Variants in CFAP65 observed in about 807,000 individuals in gnomAD.
CFAP65 encodes cilia and flagella associated protein 65.
A neutral mutation model predicts 208.0 loss-of-function variants in CFAP65; 155 were observed. The observed-to-expected ratio is 0.75, with a 90% CI of 0.65 to 0.85. CFAP65 has a LOEUF of 0.85. Ranked by LOEUF, CFAP65 falls within the 40% of genes least tolerant of loss-of-function variation. The pLI is 0.00. For missense variants in CFAP65, 2,294 were observed against 2,451.3 expected, an observed-to-expected ratio of 0.94 and a Z score of 1.36; for synonymous variants, 970 against 986.3, an observed-to-expected ratio of 0.98 and a Z score of 0.31.
chr2:219,003,446 G>A lies in CFAP65; in HGVS notation c.5556-174C>T, dbSNP rs1184910284. 6.6e-6 allele frequency among the ~76,000 whole-genome samples: 1 copy of A among 152,228 alleles called. No individual in the cohort carries two copies. The highest frequency in any genetic ancestry group is 1.5e-5 in the Non-Finnish European group (1 of 68,038). ...CAATGTTACGGACGTTCCAAGTGTG[G>A]CTAAAAGATTCCAAGTTGCCAAATA... On this transcript the variant is annotated intron_variant, in intron 33 of 34. Transcript: ENST00000341552. This position sits in a 1 kb window ranked among gnomAD's most constrained non-coding sequence, Gnocchi z 4.4.
Position 219,006,457 on chromosome 2 carries a change from C to T in CFAP65, c.4719+8G>A, listed in dbSNP as rs768748993. On this transcript the variant is annotated splice_region_variant and intron_variant, in intron 30 of 34. Transcript: ENST00000341552. The stretch of plus-strand genomic sequence containing the variant: ...CCAAGAAGATGGGCCTGGGGCTCGC[C>T]GCCTCACCTTGTACTTCCTCGCAGG... 6.8e-6 allele frequency: 11 copies of T among 1,613,520 alleles called. No individual in the cohort carries two copies. The highest frequency in any genetic ancestry group is 9.3e-6 in the Non-Finnish European group (11 of 1,179,978).
intron 14 of CFAP65, among the ~76,000 whole-genome samples, chr2:219,024,471 G>GGGAGATT (rs1559143479): frequency 8.1e-6 from 1 of 124,016 alleles, no homozygotes; most frequent in African/African-American, 3.6e-5. Context: ...CCTCCAGAAA[G>GGGAGATT]GGGCGGGGGG....
chr2:219,020,544 C>G (rs191234468), intron 19 of CFAP65, among the ~76,000 whole-genome samples: 9 of 151,552 alleles, frequency 5.9e-5, no homozygotes, highest in Admixed American at 4.6e-4. Context: ...CCACACCCAG[C>G]TAATACTTTT....
rs1455925557 is a variant in CFAP65, at chr2:219,025,617, G to C, written c.2349+405C>G. ...TGGGGCTGGCTCTGCCTCTCATAGG[G>C]CAGGGTGCTTCCCAAAGGCAGGGGC... On this transcript the variant is annotated intron_variant, in intron 14 of 34. Transcript: ENST00000341552. 4.6e-5 allele frequency among the ~76,000 whole-genome samples: 7 copies of C among 152,142 alleles called. No homozygotes were observed. In the South Asian group the frequency reaches 1.0e-3, roughly 23 times the overall value.
chr2:219,029,319 G>T, intron 11 of CFAP65, 84 bp downstream of exon 11: 2 of 1,512,356 alleles, frequency 1.3e-6, no homozygotes, highest in South Asian at 1.3e-5. Context: ...AGAATACAGG[G>T]AAGTGCCCAC....
intron 10 of CFAP65, 140 bp from the exon 11 acceptor site, chr2:219,029,808 C>T (rs1167408586): frequency 8.4e-7 from 1 of 1,195,720 alleles, no homozygotes; most frequent in East Asian, 2.5e-5. Context: ...CACTGGATGC[C>T]AGTGGGACTG....
rs768163425 is a variant in CFAP65 at position 219,010,952 on chromosome 2, C to T, written c.4002G>A (p.Glu1334=). ...YNGGSVPVTY[E]VQTDVLSQVQ... is the part of the protein sequence containing the mutation. The stretch of plus-strand genomic sequence containing the variant: ...CCTGTGACAGGACATCGGTCTGGAC[C>T]TCATATGTCACGGGCACTGAGCCAC... The change falls in exon 25 of 35, where the codon GAG becomes GAA. Residue 1334 remains glutamate, a synonymous_variant. Coordinates refer to ENST00000341552, the MANE Select transcript of CFAP65 (RefSeq NM_194302.4). 3.1e-6 allele frequency: 5 copies of T among 1,613,574 alleles called. No individual in the cohort carries two copies.
Position 219,038,460 on chromosome 2 carries a change from G to T in CFAP65, c.272C>A (p.Ser91Tyr), listed in dbSNP as rs1421110668. The T allele has an allele frequency of 1.2e-6, 2 of 1,614,104 alleles. No homozygotes were observed. Among genetic ancestry groups the T allele is most frequent in the Non-Finnish European group, 1.7e-6 (2 of 1,180,036 alleles). The change falls in exon 4 of 35, where the codon TCC becomes TAC. Residue 91 changes from serine (S) to tyrosine (Y), a missense_variant. By Grantham distance (144) the Ser-to-Tyr change is moderately radical (BLOSUM62 -2). Around this residue, in one of 2 missense-constraint regions of CFAP65, gnomAD observed 867 missense variants for 1,012.6 expected, o/e 0.86. Transcript: ENST00000341552. Reference sequence around the variant, plus strand: ...GGCCACTGTGCTGGCACTCAGGCAGGATCCACCAGAGTTCACGGTGTGGTT... The same window carrying T: ...GGCCACTGTGCTGGCACTCAGGCAGTATCCACCAGAGTTCACGGTGTGGTT... Reference protein sequence around the residue: ...SRNHTVNSGGSCLSASTVAIP... With the variant: ...SRNHTVNSGGYCLSASTVAIP...
chr2:219,009,278 C>A (rs1946259355), intron 28 of CFAP65, 69 bp downstream of exon 28: 1 of 1,445,930 alleles, frequency 6.9e-7, no homozygotes, highest in Non-Finnish European at 9.7e-7. Context: ...ATCTCACAGC[C>A]CATCACACCC....
intron 31 of CFAP65, 43 bp from the exon 32 acceptor site, chr2:219,005,605 A>G (rs375834749): frequency 1.9e-6 from 3 of 1,605,780 alleles, no homozygotes; most frequent in Non-Finnish European, 2.6e-6. Context: ...GCAAGCCACC[A>G]TGCTGGGGTT....
intron 28 of CFAP65, 38 bp downstream of exon 28, chr2:219,009,309 T>G (rs757283110): frequency 9.8e-6 from 15 of 1,528,038 alleles, no homozygotes; most frequent in African/African-American, 1.4e-5. Flanking sequence ...TTGGGAGCCA[T>G]GCCTCCATCC....
Position 219,030,756 on chromosome 2 carries a change from A to C in CFAP65, c.1094T>G (p.Leu365Trp). ...GCCCACAGCAACAGAGCCAAAGTAC[A>C]ACAGCTTCTGGAAGCCCTCGGCATC... is the stretch of plus-strand genomic sequence containing the variant. ...DQDAEGFQKLLYFGSVAVGCT... is the reference protein window; with the variant it reads ...DQDAEGFQKLWYFGSVAVGCT... Residue 365 changes from leucine (L) to tryptophan (W), a missense_variant, in exon 9 of 35, where the codon TTG becomes TGG. By Grantham distance (61) the Leu-to-Trp change is moderately conservative. Around this residue, in one of 2 missense-constraint regions of CFAP65, gnomAD observed 867 missense variants for 1,012.6 expected, o/e 0.86. Coordinates refer to ENST00000341552, the MANE Select transcript of CFAP65 (RefSeq NM_194302.4). 1 of 1,614,154 alleles carries C rather than the reference A, an allele frequency of 6.2e-7. No homozygotes were observed. Among genetic ancestry groups the C allele is most frequent in the East Asian group, 2.2e-5 (1 of 44,858 alleles).
rs1403530697 is a variant in CFAP65, at chr2:219,006,500, A to G, written c.4684T>C (p.Cys1562Arg). The G allele has an allele frequency of 1.9e-6, 3 of 1,613,518 alleles. No individual in the cohort carries two copies. Among genetic ancestry groups the G allele is most frequent in the African/African-American group, 1.3e-5 (1 of 74,932 alleles). Reference sequence around the variant, plus strand: ...CTCGCAGGTTCACAGGCTGTGCAGCATGTTCTCTTCTGTGGAAAAAGAGAG... The same window carrying G: ...CTCGCAGGTTCACAGGCTGTGCAGCGTGTTCTCTTCTGTGGAAAAAGAGAG... ...ITDMKVKKRT[C>R]CTACEPARKY... The change falls in exon 30 of 35, where the codon TGC becomes CGC. Residue 1562 changes from cysteine to arginine, a missense_variant. Cys to Arg is a radical substitution (Grantham distance 180). Around this residue, in one of 2 missense-constraint regions of CFAP65, gnomAD observed 1,427 missense variants for 1,438.7 expected, o/e 0.99. Coordinates refer to ENST00000341552, the MANE Select transcript of CFAP65 (RefSeq NM_194302.4).
At chr2:219,034,998 A>C in intron 5 of CFAP65, 1 of 246,406 alleles carries the variant, frequency 4.1e-6, no homozygotes, top group Non-Finnish European at 7.8e-6. Context: ...AGCCTCCGCA[A>C]TTCTACTCCT....
In CFAP65 at chr2:219,004,420, A is replaced by G; in HGVS notation, c.5087T>C (p.Val1696Ala). 2 of 1,613,258 alleles carry G rather than the reference A, an allele frequency of 1.2e-6. No homozygotes were observed. Among genetic ancestry groups the G allele is most frequent in the Non-Finnish European group, 1.7e-6 (2 of 1,179,592 alleles). The change falls in exon 33 of 35, where the codon GTG becomes GCG. Residue 1696 changes from valine (V) to alanine (A), a missense_variant. Physicochemically the swap from Val to Ala is moderately conservative, Grantham distance 64. Coordinates refer to ENST00000341552, the MANE Select transcript of CFAP65 (RefSeq NM_194302.4). This position sits in a 1 kb window ranked among gnomAD's most constrained non-coding sequence, Gnocchi z 4.7. Reference protein sequence around the residue: ...LLEDKNFHEAVDQSLVEQVPY... With the variant: ...LLEDKNFHEAADQSLVEQVPY... Reference sequence around the variant, plus strand: ...CACCTGCTCCACCAGGCTTTGGTCCACAGCCTCATGGAAGTTCTTGTCTTC... The same window carrying G: ...CACCTGCTCCACCAGGCTTTGGTCCGCAGCCTCATGGAAGTTCTTGTCTTC...
intron 14 of CFAP65, among the ~76,000 whole-genome samples, chr2:219,024,487 AGG>A (rs1046581884): frequency 3.2e-4 from 1 of 3,110 alleles, no homozygotes; most frequent in African/African-American, 1.1e-3. Context: ...GGGGGGGGGC[AGG>A]GGGGCGGGGG....
chr2:219,015,112 C>T (rs940904755), intron 21 of CFAP65: 1 of 149,604 alleles, frequency 6.7e-6, no homozygotes, highest in African/African-American at 2.5e-5. Context: ...GCAACACACA[C>T]CTGAGGAGAA....
At chr2:219,022,027 C>A in intron 17 of CFAP65, 97 bp from the exon 18 acceptor site, 2 of 1,560,292 alleles carry the variant, frequency 1.3e-6, no homozygotes, top group African/African-American at 1.4e-5. Context: ...CAAGGAAGGG[C>A]AAGTTTGGGG....
Position 219,022,253 on chromosome 2 carries a change from C to T in CFAP65, c.2897G>A (p.Gly966Asp). ...FQVGMWVWEA[G>D]LSPNANPAAT... ...AGCGGGGTTGGCATTTGGGGACAGG[C>T]CGGCTTCCCAGACCCACATCCCCAC... The change falls in exon 17 of 35, where the codon GGC (glycine) becomes GAC (aspartate). Residue 966 changes from glycine (G) to aspartate (D), a missense_variant. Physicochemically the swap from Gly to Asp is moderately conservative, Grantham distance 94. This residue lies in a region of CFAP65 where 1,427 missense variants were observed against 1,438.7 expected (regional missense o/e 0.99). Coordinates refer to ENST00000341552, the MANE Select transcript of CFAP65 (RefSeq NM_194302.4). The T allele has an allele frequency of 6.2e-7, 1 of 1,606,946 alleles. No individual in the cohort carries two copies.
Sources: allele counts gnomAD v4.1 joint callset (sites outside exome capture counted in the v4.1 genomes callset), GRCh38; gene constraint gnomAD v4.1.1; regional missense constraint gnomAD v4.1.1; non-coding constraint Gnocchi (gnomAD v3.1); transcripts MANE v1.5; gene names NCBI Gene and HGNC (gene_info 2026-07-23, HGNC 2026-07-21).